PFDN1: variants seen among roughly 807,000 people sequenced by gnomAD.
The protein encoded by PFDN1 is prefoldin 1.
PFDN1 carries 6 observed loss-of-function variants against 17.3 expected under a neutral mutation model. That is an observed-to-expected ratio of 0.35 (90% CI 0.19 to 0.69). The LOEUF is 0.69. PFDN1 is among the 30% of genes least tolerant of loss of function. The pLI is 0.65. For synonymous variants in PFDN1, 58 were observed against 50.1 expected (o/e 1.16, Z -0.67); for missense variants, 113 against 146.2 (o/e 0.77, Z 1.17).
chr5:140,265,203 C>G (rs763533624), intron 3 of PFDN1, among the ~76,000 whole-genome samples: 9 of 152,010 alleles, frequency 5.9e-5, no homozygotes, highest in Admixed American at 3.3e-4. Flanking sequence ...CTTGGACAGC[C>G]CATGAAAAAG....
At chr5:140,296,931 T>C (rs542133016) in intron 2 of PFDN1, among the ~76,000 whole-genome samples, 1 of 152,256 alleles carries the variant, frequency 6.6e-6, no homozygotes, top group Non-Finnish European at 1.5e-5. Context: ...TGAATAACCA[T>C]GAATGCAAGG....
At chr5:140,281,155 G>T (rs912284842) in intron 3 of PFDN1, 7 of 224,614 alleles carry the variant, frequency 3.1e-5, no homozygotes, top group African/African-American at 1.6e-4. Context: ...TTATGGTTTT[G>T]TTTTTTTTAA....
chr5:140,257,367 C>T (rs1765003853), intron 3 of PFDN1, among the ~76,000 whole-genome samples: 1 of 152,150 alleles, frequency 6.6e-6, no homozygotes, highest in Admixed American at 6.6e-5. Context: ...CTTTCACTTG[C>T]TTAAACAGCT....
chr5:140,262,551 T>C, intron 3 of PFDN1: 1 of 456,116 alleles, frequency 2.2e-6, no homozygotes, highest in Non-Finnish European at 4.4e-6. Flanking sequence ...GACTGTTGAG[T>C]CCACTGACCA....
chr5:140,246,262 AT>A (rs1764828115), intron 3 of PFDN1, among the ~76,000 whole-genome samples: 1 of 152,200 alleles, frequency 6.6e-6, no homozygotes, highest in African/African-American at 2.4e-5. Flanking sequence ...CAGGGAGAAG[AT>A]GGCTTTGGTA....
intron 3 of PFDN1, 96 bp downstream of exon 3, chr5:140,281,353 T>C (rs1000790080): frequency 6.2e-6 from 4 of 649,156 alleles, no homozygotes; most frequent in African/African-American, 3.7e-5. Flanking sequence ...AATATGACAT[T>C]ACTTTGGCAG....
chr5:140,269,410 C>A (rs1017033208), intron 3 of PFDN1, among the ~76,000 whole-genome samples: 5 of 152,018 alleles, frequency 3.3e-5, no homozygotes, highest in African/African-American at 1.2e-4. Flanking sequence ...CCTCCATCTC[C>A]CGGGTTCAAG....
At chr5:140,250,940 T>C (rs1252884755) in intron 3 of PFDN1, among the ~76,000 whole-genome samples, 1 of 152,224 alleles carries the variant, frequency 6.6e-6, no homozygotes, top group Non-Finnish European at 1.5e-5. Flanking sequence ...TTATATTCTT[T>C]TTATTTTTTT....
At chr5:140,246,846 G>A (rs1262977329) in intron 3 of PFDN1, among the ~76,000 whole-genome samples, 1 of 152,172 alleles carries the variant, frequency 6.6e-6, no homozygotes, top group African/African-American at 2.4e-5. Context: ...GGACATAGTT[G>A]TGGCTGTATT....
chr5:140,248,162 G>A (rs1280976803), intron 3 of PFDN1, among the ~76,000 whole-genome samples: 5 of 149,378 alleles, frequency 3.3e-5, no homozygotes, highest in South Asian at 2.1e-4. Flanking sequence ...TCCGCCTCCC[G>A]GGTTCACACG....
At chr5:140,257,201 C>A (rs1431984623) in intron 3 of PFDN1, among the ~76,000 whole-genome samples, 3 of 136,092 alleles carry the variant, frequency 2.2e-5, no homozygotes, top group Non-Finnish European at 3.1e-5. Flanking sequence ...CCAGCCTGGG[C>A]AACAAGAGCA....
rs186941018 is a variant in PFDN1, at chr5:140,274,512, G to A, written c.285+6937C>T. ...GGTTACTCTATCATACTAAAGCCACGATTTTGTATTTTCTCGTGAATAGGA... is the reference window on the plus strand; with the variant it reads ...GGTTACTCTATCATACTAAAGCCACAATTTTGTATTTTCTCGTGAATAGGA... On this transcript the variant is annotated intron_variant, in intron 3 of 3. Transcript: ENST00000261813. Among the ~76,000 whole-genome samples the A allele has an allele frequency of 1.6e-4, 25 of 152,146 alleles. No homozygotes were observed. The East Asian group carries it at 2.9e-3, about 18-fold the overall frequency.
chr5:140,294,281 C>T (rs1765621283), intron 2 of PFDN1, among the ~76,000 whole-genome samples: 1 of 151,988 alleles, frequency 6.6e-6, no homozygotes, highest in Non-Finnish European at 1.5e-5. Context: ...GTAATATCAA[C>T]AGTATTTATC....
At position 140,303,060 on chromosome 5, in the gene PFDN1, A is replaced by C. The variant is rs1561523770; in HGVS notation, c.14T>G (p.Val5Gly). Residue 5 changes from valine to glycine, a missense_variant, in exon 1 of 4, where the codon GTG (valine) becomes GGG (glycine). Val to Gly is a moderately radical substitution (Grantham distance 109). Transcript: ENST00000261813. ...TTTTACCTTCTTCAGCTCTAGATCCACGGGGGCGGCCATCTTGGTGCACTG... is the reference window on the plus strand; with the variant it reads ...TTTTACCTTCTTCAGCTCTAGATCCCCGGGGGCGGCCATCTTGGTGCACTG... Reference protein sequence around the residue: MAAPVDLELKKAFTE... With the variant: MAAPGDLELKKAFTE... The C allele has an allele frequency of 6.2e-7, 1 of 1,612,958 alleles. No individual in the cohort carries two copies. Among genetic ancestry groups the C allele is most frequent in the Admixed American group, 1.7e-5 (1 of 60,024 alleles).
chr5:140,259,491 C>T (rs1278442781), intron 3 of PFDN1, among the ~76,000 whole-genome samples: 1 of 152,162 alleles, frequency 6.6e-6, no homozygotes, highest in East Asian at 1.9e-4. Flanking sequence ...ATAAGACGGA[C>T]TAGAGGAACT....
At chr5:140,281,714 G>T (rs889683616) in intron 2 of PFDN1, 181 bp from the exon 3 acceptor site, 28 of 553,304 alleles carry the variant, frequency 5.1e-5, no homozygotes, top group African/African-American at 5.0e-4. Flanking sequence ...AGGAATAAAG[G>T]CTTAAAAGTA....
intron 3 of PFDN1, among the ~76,000 whole-genome samples, chr5:140,249,436 T>C (rs1170146560): frequency 6.6e-6 from 1 of 152,176 alleles, no homozygotes; most frequent in Non-Finnish European, 1.5e-5. Flanking sequence ...TGATCCTAGC[T>C]TATAAAGTTT....
At chr5:140,279,757 A>T (rs547026160) in intron 3 of PFDN1, among the ~76,000 whole-genome samples, 1 of 152,178 alleles carries the variant, frequency 6.6e-6, no homozygotes, top group African/African-American at 2.4e-5. Flanking sequence ...AGCACTTGGG[A>T]GGCCGAGGCA....
intron 3 of PFDN1, among the ~76,000 whole-genome samples, chr5:140,278,587 A>C (rs6870751): frequency 0.46 from 60,350 of 131,580 alleles, 14,253 homozygotes; most frequent in South Asian, 0.71. Flanking sequence ...AAAAAAAAAA[A>C]CAAAAAACAA....
Sources: gnomAD v4.1 joint callset for allele counts (sites outside exome capture counted in the v4.1 genomes callset) on GRCh38, gnomAD v4.1.1 for gene constraint, MANE v1.5 for transcripts, NCBI Gene and HGNC (gene_info 2026-07-23, HGNC 2026-07-21) for gene names.